Variants in UBAC2 observed in about 807,000 individuals in gnomAD.
UBAC2 encodes the protein ubiquitin-associated domain-containing protein 2.
UBAC2 carries 26 observed loss-of-function variants against 44.0 expected under a neutral mutation model. The ratio of observed to expected loss-of-function variants is 0.59; its 90% confidence interval spans 0.43 to 0.82. The LOEUF is 0.82. Among genes scored for constraint, UBAC2 ranks in the 40% least tolerant of loss-of-function variants. The probability of loss-of-function intolerance (pLI) is 0.00; values close to 1 mark genes in which losing one functional copy is unlikely to be tolerated. For missense variants in UBAC2, 329 were observed against 419.4 expected (o/e 0.78, Z 1.88); for synonymous variants, 155 against 154.3 (o/e 1.00, Z -0.04).
intron 1 of UBAC2, among the ~76,000 whole-genome samples, chr13:99,230,338 C>T (rs570557681): frequency 2.0e-5 from 3 of 151,984 alleles, no homozygotes; most frequent in Non-Finnish European, 2.9e-5. Context: ...TGGTGGCAAG[C>T]GCCTGTAGTC....
intron 1 of UBAC2, among the ~76,000 whole-genome samples, chr13:99,209,065 A>G (rs1478147344): frequency 6.6e-6 from 1 of 152,164 alleles, no homozygotes; most frequent in Non-Finnish European, 1.5e-5. Context: ...CCTGGCTGGG[A>G]CTGCGTGTTC....
At chr13:99,329,390 A>G (rs909837335) in intron 6 of UBAC2, among the ~76,000 whole-genome samples, 3 of 152,324 alleles carry the variant, frequency 2.0e-5, no homozygotes, top group Middle Eastern at 3.4e-3. Context: ...CTTGGGAAGG[A>G]TTGCCATGGT....
rs188760358 is a variant in UBAC2 at position 99,328,096 on chromosome 13, A to G, written c.561+10027A>G. 3.6e-4 allele frequency among the ~76,000 whole-genome samples: 55 copies of G among 152,016 alleles called. 2 individuals carry two copies. The highest frequency in any genetic ancestry group is 2.3e-3 in the East Asian group (12 of 5,192). On this transcript the variant is annotated intron_variant, in intron 6 of 8. Transcript: ENST00000403766. ...TGGAATTTCATATACTTAGTATTGT[A>G]TAATATGAAGTATTTTGTGTTTTAC...
chr13:99,228,433 T>TC (rs1400275779), intron 1 of UBAC2, among the ~76,000 whole-genome samples: 1 of 150,606 alleles, frequency 6.6e-6, no homozygotes, highest in South Asian at 2.1e-4. Flanking sequence ...GATTACAGGC[T>TC]CCCCCGCACC....
intron 4 of UBAC2, among the ~76,000 whole-genome samples, chr13:99,287,652 T>C (rs913737819): frequency 3.7e-5 from 4 of 108,326 alleles, no homozygotes; most frequent in Admixed American, 1.1e-4. Flanking sequence ...TCTTTTTTTT[T>C]TTTTTTTTTT....
At chr13:99,216,820 C>T (rs962907188) in intron 1 of UBAC2, among the ~76,000 whole-genome samples, 4 of 139,234 alleles carry the variant, frequency 2.9e-5, no homozygotes, top group African/African-American at 1.1e-4. Flanking sequence ...TTTTGTTGGA[C>T]TCTTTTCTTT....
At chr13:99,311,918 A>C (rs1431625797) in intron 4 of UBAC2, among the ~76,000 whole-genome samples, 1 of 152,126 alleles carries the variant, frequency 6.6e-6, no homozygotes, top group African/African-American at 2.4e-5. Flanking sequence ...TGTGCCGTGC[A>C]CCTCCGTCTG....
intron 4 of UBAC2, 84 bp downstream of exon 4, chr13:99,244,708 AAAT>A: frequency 2.4e-6 from 2 of 827,216 alleles, no homozygotes; most frequent in Non-Finnish European, 3.7e-6. Flanking sequence ...AAAGTCAGTA[AAAT>A]AATATTTTAA....
Position 99,385,463 on chromosome 13 carries a change from G to T in UBAC2, c.*128G>T. The T allele has an allele frequency of 2.7e-6, 2 of 727,890 alleles. No individual in the cohort carries two copies. Among genetic ancestry groups the T allele is most frequent in the Non-Finnish European group, 4.7e-6 (2 of 426,246 alleles). The allele number at this position is 727,890 out of a possible 1,614,324, so 45.1% of individuals were successfully genotyped here. On this transcript the variant is annotated 3_prime_UTR_variant, in exon 9 of 9. Coordinates refer to ENST00000403766, the MANE Select transcript of UBAC2 (RefSeq NM_001144072.2). The stretch of plus-strand genomic sequence containing the variant: ...CTTGTGGGAAGAGGGAGGTTCCACC[G>T]CACCCCTGCCCTCAACCGCAAGACT...
At chr13:99,204,697 C>T (rs2042846954) in intron 1 of UBAC2, among the ~76,000 whole-genome samples, 1 of 151,664 alleles carries the variant, frequency 6.6e-6, no homozygotes, top group Admixed American at 6.6e-5. Flanking sequence ...AAGAAAGAGG[C>T]CCCCCCAGAA....
At chr13:99,244,867 C>G (rs1285328781) in intron 4 of UBAC2, among the ~76,000 whole-genome samples, 1 of 150,688 alleles carries the variant, frequency 6.6e-6, no homozygotes, top group African/African-American at 2.4e-5. Context: ...GAGTCTCGCT[C>G]TGTCACCCAG....
At chr13:99,223,525 CTT>C (rs2043074417) in intron 1 of UBAC2, among the ~76,000 whole-genome samples, 1 of 104,716 alleles carries the variant, frequency 9.5e-6, no homozygotes, top group African/African-American at 3.7e-5. Flanking sequence ...TTAATTTGCT[CTT>C]CTTTCTCTTT....
chr13:99,362,990 A>G (rs1377142481), intron 7 of UBAC2, among the ~76,000 whole-genome samples: 5 of 152,004 alleles, frequency 3.3e-5, no homozygotes, highest in African/African-American at 7.2e-5. Context: ...ATAATCTCCT[A>G]TTTCTTCAAA....
chr13:99,264,825 A>G (rs2043719599), intron 4 of UBAC2, among the ~76,000 whole-genome samples: 1 of 152,194 alleles, frequency 6.6e-6, no homozygotes, highest in Non-Finnish European at 1.5e-5. Flanking sequence ...TGGAAGCCTG[A>G]ATGCGTCCAG....
chr13:99,359,750 G>A (rs1445308776), intron 7 of UBAC2, among the ~76,000 whole-genome samples: 2 of 152,220 alleles, frequency 1.3e-5, no homozygotes, highest in Non-Finnish European at 2.9e-5. Context: ...ATAGCACACT[G>A]AGTAAGTCCT....
intron 6 of UBAC2, among the ~76,000 whole-genome samples, chr13:99,324,106 G>C (rs944028006): frequency 6.6e-6 from 1 of 152,154 alleles, no homozygotes; most frequent in African/African-American, 2.4e-5. Context: ...TCAGGATTCT[G>C]TATGATTGTG....
intron 1 of UBAC2, chr13:99,201,165 A>G (rs1415375192): frequency 2.9e-6 from 4 of 1,362,096 alleles, no homozygotes; most frequent in Non-Finnish European, 3.8e-6. Flanking sequence ...GCCCGCCCCG[A>G]CCCCACCTGG....
At chr13:99,221,226 G>T (rs1212433485) in intron 1 of UBAC2, among the ~76,000 whole-genome samples, 1 of 152,046 alleles carries the variant, frequency 6.6e-6, no homozygotes, top group African/African-American at 2.4e-5. Context: ...AATTACTTTG[G>T]GCTAAATTCC....
intron 7 of UBAC2, among the ~76,000 whole-genome samples, chr13:99,358,938 G>C (rs1464559013): frequency 1.3e-5 from 2 of 152,206 alleles, no homozygotes; most frequent in Non-Finnish European, 2.9e-5. Flanking sequence ...CTGAGACACA[G>C]TGTTTGGGTT....
Sources: allele counts gnomAD v4.1 joint callset (sites outside exome capture counted in the v4.1 genomes callset), GRCh38; gene constraint gnomAD v4.1.1; transcripts MANE v1.5; gene names NCBI Gene and HGNC (gene_info 2026-07-23, HGNC 2026-07-21).